The following CLCN7 variants were observed in gnomAD, a reference collection of about 807,000 sequenced individuals.
The protein encoded by CLCN7 is H(+)/Cl(-) exchange transporter 7.
Under a neutral mutation model 102.1 loss-of-function variants are expected in CLCN7, and 60 were observed. The observed-to-expected ratio is 0.59, with a 90% CI of 0.48 to 0.73. The LOEUF (loss-of-function observed/expected upper bound fraction) is 0.73. Among genes scored for constraint, CLCN7 ranks in the 30% least tolerant of loss-of-function variants. The pLI is 0.00. For missense variants in CLCN7, 962 were observed against 1,125.7 expected (o/e 0.85, Z 2.08); for synonymous variants, 560 against 490.5 (o/e 1.14, Z -1.87).
chr16:1,465,656 C>T (rs2038995389), intron 1 of CLCN7, among the ~76,000 whole-genome samples: 3 of 152,356 alleles, frequency 2.0e-5, no homozygotes, highest in Admixed American at 6.5e-5. Flanking sequence ...CAACACGCCG[C>T]CCCCAATGCA....
chr16:1,474,976 G>T lies in CLCN7; in HGVS notation c.-2C>A. ...CACCTTCTTAGAGACGTTGGCCATG[G>T]CCCGCCGCGGAGCGACACCGGCCGG... is the stretch of plus-strand genomic sequence containing the variant. On this transcript the variant is annotated 5_prime_UTR_variant, in exon 1 of 25. Coordinates refer to ENST00000382745, the MANE Select transcript of CLCN7 (RefSeq NM_001287.6). The T allele has an allele frequency of 6.8e-7, 1 of 1,479,386 alleles. No individual in the cohort carries two copies. Among genetic ancestry groups the T allele is most frequent in the Non-Finnish European group, 8.9e-7 (1 of 1,118,188 alleles). 91.6% of individuals were successfully genotyped at this position (1,479,386 alleles called of 1,614,324 possible). A position where few individuals can be genotyped will look rare whatever the true frequency, so the allele number is the denominator to read the frequency against.
chr16:1,460,810 G>T lies in CLCN7; in HGVS notation c.484+6C>A. 1 of 1,613,994 alleles carries T rather than the reference G, an allele frequency of 6.2e-7. No individual in the cohort carries two copies. The highest frequency in any genetic ancestry group is 1.1e-5 in the South Asian group (1 of 91,088). ...CAAGCTGCAGCGGCCGCACTGGGAA[G>T]GATACTGCCCTTGATGACCCTGTAC... On this transcript the variant is annotated splice_donor_region_variant and intron_variant, in intron 5 of 24. Transcript: ENST00000382745.
At chr16:1,448,585 G>A (rs1596211796) in intron 20 of CLCN7, 96 bp downstream of exon 20, 18 of 1,600,712 alleles carry the variant, frequency 1.1e-5, no homozygotes, top group Middle Eastern at 1.9e-4. Context: ...CAGGAAACGC[G>A]GGGCTGCCTG....
chr16:1,454,445 G>T lies in CLCN7; in HGVS notation c.1119C>A (p.His373Gln). Residue 373 changes from histidine to glutamine, a missense_variant, in exon 13 of 25, where the codon CAC (histidine) becomes CAA (glutamine). By Grantham distance (24) the His-to-Gln change is conservative. Transcript: ENST00000382745. Reference protein sequence around the residue: ...FDSEKMAYTIHEIPVFIAMGV... With the variant: ...FDSEKMAYTIQEIPVFIAMGV... ...CCATGGCGATGAAGACCGGGATCTC[G>T]TGGATCGTGTAGGCCATTTTCTGTG... 6.2e-7 allele frequency: 1 copy of T among 1,613,742 alleles called. No individual in the cohort carries two copies. Among genetic ancestry groups the T allele is most frequent in the Non-Finnish European group, 8.5e-7 (1 of 1,180,002 alleles).
In CLCN7 at chr16:1,449,369, G is replaced by A. The variant is rs1273837093; in HGVS notation, c.1618-42C>T. Reference sequence around the variant, plus strand: ...GGAGGAGGTGTCAGTGTGGTGGCAGGCCCAAACCCACCAAGATACACAGAC... The same window carrying A: ...GGAGGAGGTGTCAGTGTGGTGGCAGACCCAAACCCACCAAGATACACAGAC... On this transcript the variant is annotated intron_variant, in intron 17 of 24. Transcript: ENST00000382745. The A allele has an allele frequency of 4.5e-6, 7 of 1,556,066 alleles. No homozygotes were observed. The African/African-American group carries it at 9.5e-5, about 21-fold the overall frequency.
intron 9 of CLCN7, among the ~76,000 whole-genome samples, chr16:1,456,622 T>C (rs1372312156): frequency 6.6e-6 from 1 of 152,184 alleles, no homozygotes; most frequent in Admixed American, 6.5e-5. Flanking sequence ...GCGGATCACC[T>C]GAGGTCGGGA....
At chr16:1,461,136 G>A (rs902852989) in intron 4 of CLCN7, among the ~76,000 whole-genome samples, 188 bp from the exon 5 acceptor site, 11 of 152,222 alleles carry the variant, frequency 7.2e-5, no homozygotes, top group Admixed American at 1.3e-4. Context: ...AGGGTGACTC[G>A]GGGAGGTGGG....
At chr16:1,463,317 A>G (rs1192026879) in intron 2 of CLCN7, among the ~76,000 whole-genome samples, 2 of 152,160 alleles carry the variant, frequency 1.3e-5, no homozygotes, top group African/African-American at 2.4e-5. Context: ...GCAACACAAG[A>G]AAAAACAGAT....
chr16:1,448,313 G>A (rs1359428547), intron 21 of CLCN7, 42 bp downstream of exon 21: 5 of 1,609,594 alleles, frequency 3.1e-6, no homozygotes, highest in South Asian at 2.2e-5. Context: ...GGACTCGACA[G>A]AGGTCACATA....
At chr16:1,458,330 TG>T (rs2038872575) in intron 7 of CLCN7, among the ~76,000 whole-genome samples, 1 of 152,244 alleles carries the variant, frequency 6.6e-6, no homozygotes, top group African/African-American at 2.4e-5. Context: ...GGGGGAGGAC[TG>T]TATGTTAAAG....
chr16:1,466,219 C>A (rs1164238932), intron 1 of CLCN7, among the ~76,000 whole-genome samples: 2 of 152,250 alleles, frequency 1.3e-5, no homozygotes, highest in Non-Finnish European at 2.9e-5. Context: ...CGGCTGGTAC[C>A]GGCCGTGGGA....
intron 17 of CLCN7, chr16:1,450,241 T>C (rs1276858248): frequency 1.8e-6 from 1 of 552,570 alleles, no homozygotes; most frequent in Non-Finnish European, 3.3e-6. Context: ...TTCTCAAGAA[T>C]AAGGACACGA....
Position 1,461,683 on chromosome 16 carries a change from G to C in CLCN7, c.214-9C>G. 6.2e-7 allele frequency: 1 copy of C among 1,613,382 alleles called. No homozygotes were observed. ...TGTGGAGGGTCCATATCCTGTGGCAGAAAAAGGCAAAGAGAGAAGCACAGT... is the reference window on the plus strand; with the variant it reads ...TGTGGAGGGTCCATATCCTGTGGCACAAAAAGGCAAAGAGAGAAGCACAGT... On this transcript the variant is annotated splice_polypyrimidine_tract_variant and intron_variant, in intron 2 of 24. Coordinates refer to ENST00000382745, the MANE Select transcript of CLCN7 (RefSeq NM_001287.6).
chr16:1,453,203 G>A (rs536574876), intron 14 of CLCN7, among the ~76,000 whole-genome samples: 19 of 152,152 alleles, frequency 1.2e-4, no homozygotes, highest in African/African-American at 4.6e-4. Flanking sequence ...AGTAGAGACG[G>A]GGTTTCTCCA....
rs987760582 is a variant in CLCN7, at chr16:1,459,013, G to A, written c.675+94C>T. On this transcript the variant is annotated intron_variant, in intron 7 of 24. Coordinates refer to ENST00000382745, the MANE Select transcript of CLCN7 (RefSeq NM_001287.6). Reference sequence around the variant, plus strand: ...GCCACCAGTACACAGGGTGGCTGAGGCCAGTTCTGGAAGGCAGGCAGCCAA... The same window carrying A: ...GCCACCAGTACACAGGGTGGCTGAGACCAGTTCTGGAAGGCAGGCAGCCAA... 3 of 1,078,318 alleles carry A rather than the reference G, an allele frequency of 2.8e-6. No individual in the cohort carries two copies. In the South Asian group the frequency reaches 4.5e-5, roughly 16 times the overall value. 66.8% of individuals were successfully genotyped at this position (1,078,318 alleles called of 1,614,324 possible).
At chr16:1,463,576 C>G (rs2038967493) in intron 2 of CLCN7, among the ~76,000 whole-genome samples, 1 of 152,148 alleles carries the variant, frequency 6.6e-6, no homozygotes. Context: ...TGGGTTCGAT[C>G]AATCCACCTG....
At position 1,453,030 on chromosome 16, in the gene CLCN7, G is replaced by A. The variant is rs569191332; in HGVS notation, c.1215-137C>T. On this transcript the variant is annotated intron_variant, in intron 14 of 24. Transcript: ENST00000382745. ...GTTTGTTTGTTTTTGTTTTTGAGAC[G>A]GAGTTTTGCTCTTGTTGCCCAGGCT... 58 of 1,306,028 alleles carry A rather than the reference G, an allele frequency of 4.4e-5. 1 individual carries two copies. The Admixed American group carries it at 6.9e-4, about 16-fold the overall frequency. The allele number at this position is 1,306,028 out of a possible 1,614,324, so 80.9% of individuals were successfully genotyped here.
chr16:1,459,034 G>T, intron 7 of CLCN7, 73 bp downstream of exon 7: 1 of 1,301,324 alleles, frequency 7.7e-7, no homozygotes, highest in Non-Finnish European at 1.1e-6. Context: ...AAGGCAGGCA[G>T]CCAAGAGAGC....
chr16:1,461,581 A>AG, intron 3 of CLCN7, 22 bp downstream of exon 3: 1 of 1,612,408 alleles, frequency 6.2e-7, no homozygotes, highest in South Asian at 1.1e-5. Flanking sequence ...TCTCAGGGTC[A>AG]GGGGGACAGA....
Sources: gnomAD v4.1 joint callset for allele counts (sites outside exome capture counted in the v4.1 genomes callset) on GRCh38, gnomAD v4.1.1 for gene constraint, MANE v1.5 for transcripts, NCBI Gene and HGNC (gene_info 2026-07-23, HGNC 2026-07-21) for gene names.